Variants in POU6F2 observed in about 807,000 individuals in gnomAD.
The protein encoded by POU6F2 is POU class 6 homeobox 2.
POU6F2 carries 31 observed loss-of-function variants against 71.3 expected under a neutral mutation model. The observed-to-expected ratio is 0.43, with a 90% confidence interval of 0.33 to 0.59. The LOEUF (loss-of-function observed/expected upper bound fraction) is 0.59, where lower values mean the gene tolerates loss of function less well. POU6F2 is among the 20% of genes least tolerant of loss of function. The pLI is 0.04. For synonymous variants in POU6F2, 347 were observed against 355.7 expected (o/e 0.98, Z 0.27); for missense variants, 783 against 856.8 (o/e 0.91, Z 1.07).
intron 4 of POU6F2, among the ~76,000 whole-genome samples, chr7:39,303,922 C>T (rs935304707): frequency 7.2e-5 from 11 of 152,160 alleles, no homozygotes; most frequent in Non-Finnish European, 1.5e-4. Flanking sequence ...CAGCCTTCTC[C>T]GTCTTCCACA....
rs185329693 is a variant in POU6F2 at position 39,172,872 on chromosome 7, C to T, written c.278-31363C>T. On this transcript the variant is annotated intron_variant, in intron 2 of 9. Coordinates refer to ENST00000518318, the MANE Select transcript of POU6F2 (RefSeq NM_001370959.1). ...CTGGGCTCAAATGATCCACCCGCCT[C>T]GGCCTCCCAAAGTGCTGTGCCATTA... Among the ~76,000 whole-genome samples the T allele has an allele frequency of 3.3e-3, 501 of 152,178 alleles. 2 individuals carry two copies. Among genetic ancestry groups the T allele is most frequent in the African/African-American group, 0.011 (468 of 41,530 alleles).
chr7:38,985,948 CT>C (rs1455540845), intron 1 of POU6F2, among the ~76,000 whole-genome samples: 8 of 151,978 alleles, frequency 5.3e-5, no homozygotes, highest in African/African-American at 1.4e-4. Flanking sequence ...TTTCTGAAAA[CT>C]TTTTTCATTT....
intron 5 of POU6F2, among the ~76,000 whole-genome samples, chr7:39,380,183 C>A (rs1300188340): frequency 6.6e-6 from 1 of 152,120 alleles, no homozygotes; most frequent in Non-Finnish European, 1.5e-5. Flanking sequence ...CTAAAAAATT[C>A]TCTTTTATTT....
intron 4 of POU6F2, among the ~76,000 whole-genome samples, chr7:39,285,699 A>G (rs951697338): frequency 3.9e-5 from 6 of 152,218 alleles, no homozygotes; most frequent in Non-Finnish European, 8.8e-5. Context: ...TCAGCCATAG[A>G]GGAAAGAAAT....
chr7:39,244,213 T>C (rs1247345274), intron 4 of POU6F2, among the ~76,000 whole-genome samples: 1 of 152,208 alleles, frequency 6.6e-6, no homozygotes, highest in Non-Finnish European at 1.5e-5. Flanking sequence ...TCATTAACTT[T>C]AGATTGTGAT....
At chr7:39,231,459 A>G (rs958466222) in intron 4 of POU6F2, among the ~76,000 whole-genome samples, 20 of 152,192 alleles carry the variant, frequency 1.3e-4, no homozygotes, top group Non-Finnish European at 4.4e-5. Flanking sequence ...TCTATGAAAT[A>G]TATATAATTA....
chr7:39,022,782 C>T (rs1789708077), intron 1 of POU6F2, among the ~76,000 whole-genome samples: 1 of 152,000 alleles, frequency 6.6e-6, no homozygotes, highest in East Asian at 1.9e-4. Flanking sequence ...TGAGTTATTT[C>T]CAGTTCTGAG....
At chr7:39,379,590 G>A (rs1160614330) in intron 5 of POU6F2, among the ~76,000 whole-genome samples, 5 of 151,984 alleles carry the variant, frequency 3.3e-5, no homozygotes, top group African/African-American at 4.8e-5. Flanking sequence ...TGCCCTTTAG[G>A]TAAAATTCCA....
intron 4 of POU6F2, among the ~76,000 whole-genome samples, chr7:39,274,162 TAAAG>T (rs2128757607): frequency 6.6e-6 from 1 of 150,458 alleles, no homozygotes; most frequent in African/African-American, 2.4e-5. Context: ...GCAAGACTAA[TAAAG>T]AAAAAAAGAG....
intron 2 of POU6F2, among the ~76,000 whole-genome samples, chr7:39,172,768 C>G (rs1793247733): frequency 6.6e-6 from 1 of 151,966 alleles, no homozygotes; most frequent in Non-Finnish European, 1.5e-5. Context: ...CTACAGGCAC[C>G]TGCCACCATG....
intron 6 of POU6F2, among the ~76,000 whole-genome samples, chr7:39,409,747 A>G (rs1001556484): frequency 6.6e-6 from 1 of 152,190 alleles, no homozygotes; most frequent in South Asian, 2.1e-4. Flanking sequence ...CTTGGCCCTC[A>G]ACTCTCAACA....
chr7:39,082,891 CA>C (rs532287683), intron 1 of POU6F2, among the ~76,000 whole-genome samples: 7 of 149,768 alleles, frequency 4.7e-5, no homozygotes, highest in Admixed American at 1.3e-4. Flanking sequence ...TTTTGTAAGA[CA>C]AAAAAAATTA....
chr7:39,104,181 T>G (rs1791630066), intron 2 of POU6F2, among the ~76,000 whole-genome samples: 2 of 152,266 alleles, frequency 1.3e-5, no homozygotes, highest in Non-Finnish European at 2.9e-5. Flanking sequence ...CAGCTGATTC[T>G]TAAAGTGCAG....
chr7:39,029,093 A>T (rs1273499424), intron 1 of POU6F2, among the ~76,000 whole-genome samples: 2 of 152,090 alleles, frequency 1.3e-5, no homozygotes, highest in East Asian at 3.9e-4. Flanking sequence ...AAGTGCTGGG[A>T]TTATAGGTAT....
At chr7:39,077,396 A>G (rs910443229) in intron 1 of POU6F2, among the ~76,000 whole-genome samples, 1 of 152,260 alleles carries the variant, frequency 6.6e-6, no homozygotes, top group Admixed American at 6.5e-5. Context: ...GTAGAAGTCC[A>G]GAACTGGCAA....
intron 4 of POU6F2, among the ~76,000 whole-genome samples, chr7:39,215,992 T>C (rs1487096019): frequency 6.6e-6 from 1 of 152,218 alleles, no homozygotes; most frequent in Non-Finnish European, 1.5e-5. Flanking sequence ...TATGTTTTTT[T>C]CGTTACAAAG....
intron 5 of POU6F2, among the ~76,000 whole-genome samples, chr7:39,342,693 G>A (rs1237046783): frequency 6.6e-6 from 1 of 152,118 alleles, no homozygotes; most frequent in Non-Finnish European, 1.5e-5. Flanking sequence ...TAAGTAGGTT[G>A]TGTGTTATAT....
chr7:38,979,239 C>T (rs151080397), intron 1 of POU6F2, among the ~76,000 whole-genome samples: 1 of 151,922 alleles, frequency 6.6e-6, no homozygotes, highest in African/African-American at 2.4e-5. Flanking sequence ...TCAAGACAAG[C>T]TGGCAAGGCA....
chr7:39,366,701 T>C (rs1227392455), intron 5 of POU6F2, among the ~76,000 whole-genome samples: 1 of 151,920 alleles, frequency 6.6e-6, no homozygotes, highest in African/African-American at 2.4e-5. Context: ...CAAAAAGGTG[T>C]GGGGCATAGT....
Sources: gnomAD v4.1 joint callset for allele counts (sites outside exome capture counted in the v4.1 genomes callset) on GRCh38, gnomAD v4.1.1 for gene constraint, MANE v1.5 for transcripts, NCBI Gene and HGNC (gene_info 2026-07-23, HGNC 2026-07-21) for gene names.